The following TMCC1 variants were observed in gnomAD, a reference collection of about 807,000 sequenced individuals.
TMCC1 encodes the protein transmembrane and coiled-coil domain family 1.
In TMCC1, 15 loss-of-function variants were observed where a neutral mutation model predicts 52.4. The ratio of observed to expected loss-of-function variants is 0.29; its 90% confidence interval spans 0.19 to 0.44. The LOEUF (loss-of-function observed/expected upper bound fraction) is 0.44, where lower values mean the gene tolerates loss of function less well. Among genes scored for constraint, TMCC1 ranks in the 20% least tolerant of loss-of-function variants. The probability of loss-of-function intolerance (pLI) is 1.00; values close to 1 mark genes in which losing one functional copy is unlikely to be tolerated. For missense variants in TMCC1, 503 were observed against 806.0 expected, an observed-to-expected ratio of 0.62 and a Z score of 4.55; for synonymous variants, 279 against 301.9, an observed-to-expected ratio of 0.92 and a Z score of 0.79.
rs150503081 is a variant in TMCC1, at chr3:129,790,792, T to C, written c.576+37011A>G. On this transcript the variant is annotated intron_variant, in intron 4 of 6. Coordinates refer to ENST00000393238, the MANE Select transcript of TMCC1 (RefSeq NM_001017395.5). Reference sequence around the variant, plus strand: ...CAATTTAAAGTTTCACAACTGCATGTAGGTAAGTTTCAACTTACATCTAAT... The same window carrying C: ...CAATTTAAAGTTTCACAACTGCATGCAGGTAAGTTTCAACTTACATCTAAT... 6.8e-3 allele frequency among the ~76,000 whole-genome samples: 1,039 copies of C among 152,338 alleles called. 11 individuals are homozygous for C. The highest frequency in any genetic ancestry group is 0.024 in the African/African-American group (992 of 41,586).
chr3:129,728,945 C>CAT (rs1553847782), intron 4 of TMCC1, among the ~76,000 whole-genome samples: 1 of 152,062 alleles, frequency 6.6e-6, no homozygotes, highest in Non-Finnish European at 1.5e-5. Flanking sequence ...TATGTATATA[C>CAT]CACAGTTTAT....
At chr3:129,754,598 G>GT (rs1255933684) in intron 4 of TMCC1, among the ~76,000 whole-genome samples, 1 of 152,098 alleles carries the variant, frequency 6.6e-6, no homozygotes, top group Non-Finnish European at 1.5e-5. Context: ...AGGTGCAAAG[G>GT]TAATTCAATG....
At chr3:129,703,696 T>C (rs1408297474) in intron 4 of TMCC1, among the ~76,000 whole-genome samples, 1 of 152,170 alleles carries the variant, frequency 6.6e-6, no homozygotes. Context: ...ATAATAATAT[T>C]CGGCTATTAA....
chr3:129,816,454 C>T (rs1342462367), intron 4 of TMCC1, among the ~76,000 whole-genome samples: 1 of 152,060 alleles, frequency 6.6e-6, no homozygotes, highest in East Asian at 1.9e-4. Flanking sequence ...GGAAATGGAA[C>T]TCATTTTGTT....
At chr3:129,827,361 G>C (rs1347913722) in intron 4 of TMCC1, among the ~76,000 whole-genome samples, 2 of 152,186 alleles carry the variant, frequency 1.3e-5, no homozygotes, top group Non-Finnish European at 2.9e-5. Context: ...GTACTACAAA[G>C]TATATGAAAA....
intron 4 of TMCC1, among the ~76,000 whole-genome samples, chr3:129,765,984 TG>T (rs1453467394): frequency 1.3e-5 from 2 of 152,166 alleles, no homozygotes; most frequent in African/African-American, 2.4e-5. Context: ...GACTCTGATT[TG>T]GATATACTCG....
intron 2 of TMCC1, among the ~76,000 whole-genome samples, chr3:129,859,197 G>C (rs2060272999): frequency 6.6e-6 from 1 of 151,874 alleles, no homozygotes; most frequent in Non-Finnish European, 1.5e-5. Flanking sequence ...AGAAAAAGGT[G>C]GTATCTCAAA....
At position 129,862,121 on chromosome 3, in the gene TMCC1, T is replaced by C. The variant is rs1488107395; in HGVS notation, c.-184+18188A>G. On this transcript the variant is annotated intron_variant, in intron 2 of 6. Coordinates refer to ENST00000393238, the MANE Select transcript of TMCC1 (RefSeq NM_001017395.5). ...GAAGCCAGTCACAAAGGACCACATA[T>C]GGTATAATTCCATTTATATGAAGCA... Among the ~76,000 whole-genome samples, 14 of 152,204 alleles carry C rather than the reference T, an allele frequency of 9.2e-5. No individual in the cohort carries two copies. In the East Asian group the frequency reaches 2.7e-3, roughly 29 times the overall value.
chr3:129,778,672 G>GGT (rs1553866321), intron 4 of TMCC1, among the ~76,000 whole-genome samples: 3 of 40,902 alleles, frequency 7.3e-5, no homozygotes, highest in Non-Finnish European at 1.8e-4. Flanking sequence ...ATTAGATCAT[G>GGT]GTGGGGGGGG....
intron 1 of TMCC1, among the ~76,000 whole-genome samples, chr3:129,890,242 C>T (rs755976714): frequency 2.6e-5 from 4 of 152,232 alleles, no homozygotes; most frequent in Non-Finnish European, 5.9e-5. Flanking sequence ...CAGAGTTACA[C>T]CTATACCCAT....
intron 5 of TMCC1, among the ~76,000 whole-genome samples, chr3:129,666,979 G>A (rs1307211242): frequency 1.3e-5 from 2 of 151,344 alleles, no homozygotes; most frequent in Non-Finnish European, 2.9e-5. Context: ...TCAGCTCACT[G>A]CAACCTCCAC....
chr3:129,697,025 A>C (rs2047461320), intron 4 of TMCC1, among the ~76,000 whole-genome samples: 1 of 152,106 alleles, frequency 6.6e-6, no homozygotes. Context: ...CAGTGGATCT[A>C]CCATCCTGGG....
At chr3:129,748,792 C>T (rs1170481940) in intron 4 of TMCC1, among the ~76,000 whole-genome samples, 3 of 151,926 alleles carry the variant, frequency 2.0e-5, no homozygotes, top group Admixed American at 6.6e-5. Flanking sequence ...CTCTTAAGCC[C>T]GGGAGTTGAA....
intron 1 of TMCC1, among the ~76,000 whole-genome samples, chr3:129,884,733 C>T (rs2061612041): frequency 1.3e-5 from 2 of 152,122 alleles, no homozygotes; most frequent in African/African-American, 4.8e-5. Flanking sequence ...TTTTCAAAAT[C>T]TTTGAAGGGC....
At chr3:129,884,458 T>C (rs910430547) in intron 1 of TMCC1, among the ~76,000 whole-genome samples, 1 of 152,102 alleles carries the variant, frequency 6.6e-6, no homozygotes, top group Non-Finnish European at 1.5e-5. Flanking sequence ...TGCAACCCCA[T>C]TTCTACAAAA....
chr3:129,696,228 C>G (rs747504241), intron 4 of TMCC1, among the ~76,000 whole-genome samples: 16 of 152,230 alleles, frequency 1.1e-4, no homozygotes, highest in Non-Finnish European at 2.4e-4. Flanking sequence ...TTGGTCTCCA[C>G]CATCTTTTAT....
At chr3:129,693,273 C>A (rs547205952) in intron 4 of TMCC1, among the ~76,000 whole-genome samples, 1 of 152,066 alleles carries the variant, frequency 6.6e-6, no homozygotes, top group South Asian at 2.1e-4. Flanking sequence ...AATTCTCTGG[C>A]TTTATGTTGG....
At chr3:129,803,660 T>C (rs545090413) in intron 4 of TMCC1, among the ~76,000 whole-genome samples, 27 of 152,330 alleles carry the variant, frequency 1.8e-4, no homozygotes, top group Admixed American at 5.9e-4. Context: ...CAGAAAAGTT[T>C]TGACACCTCA....
At chr3:129,695,096 CAAAAAAAAAAAAA>C (rs11291309) in intron 4 of TMCC1, among the ~76,000 whole-genome samples, 1 of 35,232 alleles carries the variant, frequency 2.8e-5, no homozygotes, top group Non-Finnish European at 4.8e-5. Flanking sequence ...GACTCTGTCT[CAAAAAAAAAAAAA>C]AAAAAAAAAA....
Sources: allele counts gnomAD v4.1 joint callset (sites outside exome capture counted in the v4.1 genomes callset), GRCh38; gene constraint gnomAD v4.1.1; transcripts MANE v1.5; gene names NCBI Gene and HGNC (gene_info 2026-07-23, HGNC 2026-07-21).